F5: variants seen among roughly 807,000 people sequenced by gnomAD.
F5 encodes activated protein c cofactor.
F5 carries 138 observed loss-of-function variants against 216.4 expected under a neutral mutation model. The observed-to-expected ratio is 0.64, with a 90% CI of 0.56 to 0.73. The LOEUF is 0.73. F5 is among the 30% of genes least tolerant of loss of function. The pLI, the probability that F5 is intolerant of heterozygous loss-of-function variation, is 0.00. For synonymous variants in F5, 916 were observed against 930.7 expected (o/e 0.98, Z 0.29); for missense variants, 2,403 against 2,674.0 (o/e 0.90, Z 2.24).
At chr1:169,577,985 G>A (rs1338824042) in intron 2 of F5, among the ~76,000 whole-genome samples, 1 of 152,110 alleles carries the variant, frequency 6.6e-6, no homozygotes, top group Non-Finnish European at 1.5e-5. Flanking sequence ...AGGACATAGG[G>A]GAAAGGTACA....
chr1:169,563,851 T>G (rs1660538706), intron 3 of F5, among the ~76,000 whole-genome samples: 1 of 138,570 alleles, frequency 7.2e-6, no homozygotes, highest in South Asian at 2.5e-4. Context: ...GCTGCTTCTA[T>G]TCTCTCTTTC....
rs1304442049 is a variant in F5, at chr1:169,549,840, T to C, written c.1572A>G (p.Leu524=). 6.2e-7 allele frequency: 1 copy of C among 1,614,088 alleles called. No homozygotes were observed. Among genetic ancestry groups the C allele is most frequent in the Non-Finnish European group, 8.5e-7 (1 of 1,179,946 alleles). ...TGTCCAGGGATCTGCTCTTACAGATTAGAAGTAGTCCTATTAGCCCAGAGG... is the reference window on the plus strand; with the variant it reads ...TGTCCAGGGATCTGCTCTTACAGATCAGAAGTAGTCCTATTAGCCCAGAGG... ...DIASGLIGLL[L]ICKSRSLDRR... Residue 524 remains leucine (L), a synonymous_variant, in exon 10 of 25, where the codon CTA becomes CTG. Transcript: ENST00000367797.
At chr1:169,548,490 AG>A (rs1660068645) in intron 10 of F5, among the ~76,000 whole-genome samples, 3 of 152,212 alleles carry the variant, frequency 2.0e-5, no homozygotes, top group African/African-American at 7.2e-5. Context: ...CATTTATGAG[AG>A]TCCATTGTGT....
rs543323459 is a variant in F5 at position 169,551,357 on chromosome 1, C to T, written c.1297-618G>A. 1.5e-3 allele frequency among the ~76,000 whole-genome samples: 225 copies of T among 152,188 alleles called. 1 individual carries two copies. Among genetic ancestry groups the T allele is most frequent in the Admixed American group, 3.0e-3 (46 of 15,294 alleles). On this transcript the variant is annotated intron_variant, in intron 8 of 24. Transcript: ENST00000367797. ...CCCAGCTACTTGAGAGGCTGAGGTG[C>T]GAGAATCGCCTGAGCCCAGGAAGTG...
chr1:169,527,621 C>T (rs1408105281), intron 17 of F5, among the ~76,000 whole-genome samples: 2 of 152,104 alleles, frequency 1.3e-5, no homozygotes, highest in Non-Finnish European at 2.9e-5. Flanking sequence ...TTTTCATCTG[C>T]TTAAGACCTC....
At chr1:169,583,267 G>C (rs1413408432) in intron 1 of F5, among the ~76,000 whole-genome samples, 1 of 152,200 alleles carries the variant, frequency 6.6e-6, no homozygotes. Flanking sequence ...TAAACTCAAA[G>C]ATGAGGGTAA....
At chr1:169,550,801 T>A (rs776477815) in intron 8 of F5, 62 bp from the exon 9 acceptor site, 12 of 1,243,322 alleles carry the variant, frequency 9.7e-6, no homozygotes, top group Admixed American at 1.7e-5. Flanking sequence ...TAATATAAGA[T>A]ACTAGCTTTG....
intron 10 of F5, among the ~76,000 whole-genome samples, chr1:169,547,860 A>G (rs537203122): frequency 3.3e-5 from 5 of 152,364 alleles, no homozygotes; most frequent in African/African-American, 1.2e-4. Context: ...AAAGGAATAT[A>G]AATCATTCTG....
chr1:169,567,307 G>A (rs1571595409), intron 3 of F5, among the ~76,000 whole-genome samples: 1 of 151,890 alleles, frequency 6.6e-6, no homozygotes, highest in East Asian at 2.0e-4. Flanking sequence ...TGGGTGCAGC[G>A]CACCAGCATG....
intron 5 of F5, 134 bp downstream of exon 5, chr1:169,559,019 G>A: frequency 3.6e-5 from 31 of 862,584 alleles, no homozygotes; most frequent in African/African-American, 6.3e-5. Flanking sequence ...AAAAAAAAGA[G>A]AAAATATTTC....
At position 169,525,966 on chromosome 1, in the gene F5, A is replaced by G; in HGVS notation, c.5651T>C (p.Leu1884Pro). The G allele has an allele frequency of 6.2e-7, 1 of 1,613,364 alleles. No homozygotes were observed. The highest frequency in any genetic ancestry group is 8.5e-7 in the Non-Finnish European group (1 of 1,179,424). Residue 1884 changes from leucine (L) to proline (P), a missense_variant, in exon 18 of 25, where the codon CTA becomes CCA. Around this residue, in one of 4 missense-constraint regions of F5, gnomAD observed 659 missense variants for 787.9 expected, o/e 0.84. Coordinates refer to ENST00000367797, the MANE Select transcript of F5 (RefSeq NM_000130.5). The stretch of plus-strand genomic sequence containing the variant: ...CTGGTTTTCTCCAACCTCTGTGTTT[A>G]GGAGCCACCAGCCAGGTTTTGATGC... ...MKASKPGWWL[L>P]NTEVGENQRA... is the part of the protein sequence containing the mutation.
intron 3 of F5, among the ~76,000 whole-genome samples, chr1:169,561,939 T>C (rs1308497352): frequency 2.0e-5 from 3 of 152,012 alleles, no homozygotes; most frequent in Non-Finnish European, 1.5e-5. Flanking sequence ...CTTTTTCCTT[T>C]CCTAGTTTCT....
Position 169,546,479 on chromosome 1 carries a change from A to G in F5, c.1725T>C (p.Arg575=). 1 of 1,614,168 alleles carries G rather than the reference A, an allele frequency of 6.2e-7. No homozygotes were observed. Among genetic ancestry groups the G allele is most frequent in the African/African-American group, 1.3e-5 (1 of 75,050 alleles). ...KFCENPDEVK[R]DDPKFYESNI... is the part of the protein sequence containing the mutation. ...TTGATTCATAAAACTTGGGGTCATC[A>G]CGTTTCACCTCATCAGGATTTTCAC... Residue 575 remains arginine, a synonymous_variant, in exon 11 of 25, where the codon CGT becomes CGC. Transcript: ENST00000367797.
intron 5 of F5, 52 bp from the exon 6 acceptor site, chr1:169,556,919 T>C (rs1455344570): frequency 6.6e-7 from 1 of 1,519,982 alleles, no homozygotes; most frequent in South Asian, 1.1e-5. Flanking sequence ...TCAAGTACTC[T>C]GTGATCAAAC....
chr1:169,543,197 T>G, intron 12 of F5, 83 bp from the exon 13 acceptor site: 1 of 1,356,234 alleles, frequency 7.4e-7, no homozygotes, highest in Non-Finnish European at 1.0e-6. Flanking sequence ...TGGCAGGTAA[T>G]TTCTAATAAA....
chr1:169,555,914 T>C (rs534777110), intron 6 of F5, among the ~76,000 whole-genome samples: 1 of 152,190 alleles, frequency 6.6e-6, no homozygotes, highest in South Asian at 2.1e-4. Flanking sequence ...TCATGAAGTA[T>C]CTCTTCCTTA....
intron 6 of F5, 76 bp from the exon 7 acceptor site, chr1:169,555,423 T>C: frequency 7.0e-7 from 1 of 1,430,228 alleles, no homozygotes; most frequent in Non-Finnish European, 9.8e-7. Context: ...ATCCTTTAAA[T>C]CAACTTGTGG....
chr1:169,515,629 A>T lies in F5; in HGVS notation c.6346-3T>A. ...AGCCACTGCTTATTGTTGTTTGCCT[A>T]TGAAAATGACAAAAACACATAGATA... On this transcript the variant is annotated splice_region_variant and splice_polypyrimidine_tract_variant and intron_variant, in intron 23 of 24. Coordinates refer to ENST00000367797, the MANE Select transcript of F5 (RefSeq NM_000130.5). 1 of 1,612,204 alleles carries T rather than the reference A, an allele frequency of 6.2e-7. No homozygotes were observed. Among genetic ancestry groups the T allele is most frequent in the Non-Finnish European group, 8.5e-7 (1 of 1,179,408 alleles).
In F5 at chr1:169,540,999, G is replaced by T; in HGVS notation, c.4091C>A (p.Thr1364Lys). 1 of 1,591,254 alleles carries T rather than the reference G, an allele frequency of 6.3e-7. No individual in the cohort carries two copies. Among genetic ancestry groups the T allele is most frequent in the Non-Finnish European group, 8.6e-7 (1 of 1,163,052 alleles). Residue 1364 changes from threonine to lysine, a missense_variant, in exon 13 of 25, where the codon ACA becomes AAA. This residue lies in a region of F5 where 293 missense variants were observed against 270.8 expected (regional missense o/e 1.08). Transcript: ENST00000367797. Reference sequence around the variant, plus strand: ...CTGGCTGAGGTCTAGAGAAAGGGTTGTATGGCTGGGGTCTGGAGAAAGGGG... The same window carrying T: ...CTGGCTGAGGTCTAGAGAAAGGGTTTTATGGCTGGGGTCTGGAGAAAGGGG... The part of the protein sequence containing the change: ...QMPLSPDPSH[T>K]TLSLDLSQTN...
Sources: allele counts gnomAD v4.1 joint callset (sites outside exome capture counted in the v4.1 genomes callset), GRCh38; gene constraint gnomAD v4.1.1; regional missense constraint gnomAD v4.1.1; transcripts MANE v1.5; gene names NCBI Gene and HGNC (gene_info 2026-07-23, HGNC 2026-07-21).